Variants in C9 observed in about 807,000 individuals in gnomAD.
The protein encoded by C9 is complement C9, also known as complement component C9.
C9 carries 63 observed loss-of-function variants against 65.4 expected under a neutral mutation model. That is an observed-to-expected ratio of 0.96 (90% CI 0.79 to 1.19). The LOEUF is 1.19. Ranked by LOEUF, C9 falls within the 50% of genes most tolerant of loss-of-function variation. The pLI is 0.00. For missense variants in C9, 744 were observed against 670.1 expected (o/e 1.11, Z -1.22); for synonymous variants, 229 against 227.9 (o/e 1.00, Z -0.04).
chr5:39,291,468 GC>G (rs1330834948), intron 9 of C9, among the ~76,000 whole-genome samples: 3 of 151,674 alleles, frequency 2.0e-5, no homozygotes, highest in Non-Finnish European at 4.4e-5. Context: ...TATATTTTGA[GC>G]CCCAGAAGGA....
At chr5:39,341,850 C>T in intron 2 of C9, 150 bp from the exon 3 acceptor site, 1 of 804,698 alleles carries the variant, frequency 1.2e-6, no homozygotes, top group Non-Finnish European at 2.1e-6. Context: ...TTTAGGGTAA[C>T]ACTCTGCATT....
chr5:39,311,184 A>T lies in C9; in HGVS notation c.1064T>A (p.Leu355His). The change falls in exon 7 of 11, where the codon CTC becomes CAC. Residue 355 changes from leucine (L) to histidine (H), a missense_variant. By Grantham distance (99) the Leu-to-His change is moderately conservative. Transcript: ENST00000263408. ...HYSSSGSLGG[L>H]YELIYVLDKA... ...ATCCAAAACATATATTAGTTCATAG[A>T]GTCCTCCTAGAGACCCAGAGCTACT... The T allele has an allele frequency of 6.2e-7, 1 of 1,613,176 alleles. No individual in the cohort carries two copies. Among genetic ancestry groups the T allele is most frequent in the Non-Finnish European group, 8.5e-7 (1 of 1,179,166 alleles).
At chr5:39,288,630 T>A in intron 10 of C9, 93 bp downstream of exon 10, 1 of 733,904 alleles carries the variant, frequency 1.4e-6, no homozygotes, top group South Asian at 1.5e-5. Flanking sequence ...ATCTAGAGAT[T>A]TAGTACAAAT....
intron 9 of C9, among the ~76,000 whole-genome samples, chr5:39,292,474 A>G (rs372514137): frequency 1.4e-4 from 22 of 151,966 alleles, no homozygotes; most frequent in South Asian, 1.2e-3. Context: ...TGCACACTAA[A>G]AGAAATGCCA....
At chr5:39,335,668 A>T (rs1753950663) in intron 4 of C9, among the ~76,000 whole-genome samples, 1 of 152,218 alleles carries the variant, frequency 6.6e-6, no homozygotes, top group African/African-American at 2.4e-5. Flanking sequence ...AGTTTTGTAC[A>T]TGTGGGAGGT....
chr5:39,359,044 GTGTGTATATATA>G (rs1754466319), intron 1 of C9, among the ~76,000 whole-genome samples: 3 of 143,066 alleles, frequency 2.1e-5, no homozygotes, highest in Non-Finnish European at 4.5e-5. Context: ...ATATGTGTGT[GTGTGTATATATA>G]TGTGTATATA....
chr5:39,335,433 G>A (rs1753945059), intron 4 of C9, among the ~76,000 whole-genome samples: 1 of 152,164 alleles, frequency 6.6e-6, no homozygotes, highest in African/African-American at 2.4e-5. Context: ...TGGGCTCTGT[G>A]CCTGTGGATT....
rs1753040125 is a variant in C9 at position 39,288,886 on chromosome 5, C to T, written c.1482G>A (p.Leu494=). 4.3e-6 allele frequency: 7 copies of T among 1,611,782 alleles called. No homozygotes were observed. Among genetic ancestry groups the T allele is most frequent in the East Asian group, 2.2e-5 (1 of 44,760 alleles). Residue 494 remains leucine, a synonymous_variant, in exon 10 of 11, where the codon TTG becomes TTA. Transcript: ENST00000263408. ...TGATATAGTCTTCAATGGCTCTTTC[C>T]AAGTTTTGTTTCTTTAGGTGTGCAT... ...MKNAHLKKQN[L]ERAIEDYINE...
At chr5:39,348,107 T>C (rs1032258550) in intron 1 of C9, among the ~76,000 whole-genome samples, 1 of 152,116 alleles carries the variant, frequency 6.6e-6, no homozygotes, top group African/African-American at 2.4e-5. Flanking sequence ...GACATAGGCA[T>C]GGGCAAGGAC....
chr5:39,286,668 T>C (rs749410925), intron 10 of C9, among the ~76,000 whole-genome samples: 11 of 151,784 alleles, frequency 7.2e-5, no homozygotes, highest in Non-Finnish European at 1.5e-4. Context: ...GAGAAATAGG[T>C]AGAAAATAGA....
chr5:39,284,232 G>T lies in C9; in HGVS notation c.*967C>A, dbSNP rs1245162314. 1 of 151,822 alleles carries T rather than the reference G, an allele frequency of 6.6e-6. No homozygotes were observed. The highest frequency in any genetic ancestry group is 1.9e-4 in the East Asian group (1 of 5,192). The allele number at this position is 151,822 out of a possible 1,614,324, so 9.4% of individuals were successfully genotyped here. A position where few individuals can be genotyped will look rare whatever the true frequency, so the allele number is the denominator to read the frequency against. ...TTAAGCATTTATTAATTCTCATTTT[G>T]CATTTTTTTATTTTGATATATTTTT... On this transcript the variant is annotated 3_prime_UTR_variant, in exon 11 of 11. Transcript: ENST00000263408.
At chr5:39,339,463 C>T (rs1754029565) in intron 4 of C9, among the ~76,000 whole-genome samples, 1 of 152,038 alleles carries the variant, frequency 6.6e-6, no homozygotes, top group South Asian at 2.1e-4. Flanking sequence ...TTATAGAGGT[C>T]TTATCATAGG....
At chr5:39,292,618 A>C (rs1753116857) in intron 9 of C9, among the ~76,000 whole-genome samples, 1 of 151,834 alleles carries the variant, frequency 6.6e-6, no homozygotes, top group South Asian at 2.1e-4. Context: ...TCTAACATAT[A>C]TTATCTACAG....
intron 7 of C9, 53 bp from the exon 8 acceptor site, chr5:39,308,411 A>G (rs2111880657): frequency 7.1e-7 from 1 of 1,401,362 alleles, no homozygotes; most frequent in South Asian, 1.2e-5. Context: ...CAACATCACA[A>G]ATAAATTCCA....
At chr5:39,348,671 G>C (rs1754255968) in intron 1 of C9, among the ~76,000 whole-genome samples, 1 of 152,106 alleles carries the variant, frequency 6.6e-6, no homozygotes, top group African/African-American at 2.4e-5. Flanking sequence ...CCATTACTGG[G>C]TATATACCCA....
intron 9 of C9, among the ~76,000 whole-genome samples, chr5:39,292,300 A>T (rs556527593): frequency 6.6e-6 from 1 of 152,034 alleles, no homozygotes; most frequent in East Asian, 1.9e-4. Context: ...AAGCCAGAAG[A>T]CAAAGGGGTA....
chr5:39,322,536 C>T (rs1028024331), intron 5 of C9, among the ~76,000 whole-genome samples: 1 of 151,844 alleles, frequency 6.6e-6, no homozygotes, highest in Non-Finnish European at 1.5e-5. Context: ...ACAGAAAAGG[C>T]CAACAAAACC....
intron 5 of C9, among the ~76,000 whole-genome samples, chr5:39,319,669 C>T (rs149172621): frequency 5.4e-4 from 82 of 152,174 alleles, no homozygotes; most frequent in African/African-American, 1.4e-3. Flanking sequence ...CAAAATCAGG[C>T]GCGAGACCAG....
chr5:39,311,205 C>A lies in C9; in HGVS notation c.1043G>T (p.Ser348Ile). The change falls in exon 7 of 11, where the codon AGC (serine) becomes ATC (isoleucine). Residue 348 changes from serine to isoleucine, a missense_variant. Physicochemically the swap from Ser to Ile is moderately radical, Grantham distance 142 (BLOSUM62 -2). Transcript: ENST00000263408. ...FLETYGTHYS[S>I]SGSLGGLYEL... The stretch of plus-strand genomic sequence containing the variant: ...ATAGAGTCCTCCTAGAGACCCAGAG[C>A]TACTGTAGTGAGTTCCATAGGTTTC... 1 of 1,613,078 alleles carries A rather than the reference C, an allele frequency of 6.2e-7. No individual in the cohort carries two copies. The highest frequency in any genetic ancestry group is 1.3e-5 in the African/African-American group (1 of 75,018).
Sources: gnomAD v4.1 joint callset for allele counts (sites outside exome capture counted in the v4.1 genomes callset) on GRCh38, gnomAD v4.1.1 for gene constraint, MANE v1.5 for transcripts, NCBI Gene and HGNC (gene_info 2026-07-23, HGNC 2026-07-21) for gene names.